The following MEF2C variants were observed in gnomAD, a reference collection of about 807,000 sequenced individuals.
MEF2C encodes myocyte-specific enhancer factor 2C.
Under a neutral mutation model 50.5 loss-of-function variants are expected in MEF2C, and 6 were observed. That is an observed-to-expected ratio of 0.12 (90% CI 0.07 to 0.23). MEF2C has a LOEUF of 0.23. Ranked by LOEUF, MEF2C falls within the 10% of genes least tolerant of loss-of-function variation. The probability of loss-of-function intolerance (pLI) is 1.00; values close to 1 mark genes in which losing one functional copy is unlikely to be tolerated. For synonymous variants in MEF2C, 183 were observed against 228.0 expected (o/e 0.80, Z 1.78); for missense variants, 276 against 605.0 (o/e 0.46, Z 5.70).
intron 1 of MEF2C, among the ~76,000 whole-genome samples, chr5:88,881,718 G>A (rs1323530330): frequency 8.2e-6 from 1 of 121,746 alleles, no homozygotes; most frequent in African/African-American, 3.7e-5. Flanking sequence ...GTGAAAGTAG[G>A]CTAGTCGCTT....
rs1413737635 is a variant in MEF2C at position 88,772,999 on chromosome 5, A to G, written c.259-11671T>C. On this transcript the variant is annotated intron_variant, in intron 3 of 10. Coordinates refer to ENST00000504921, the MANE Select transcript of MEF2C (RefSeq NM_002397.5). ...AATACCCATATTGTTCTGATTAGAG[A>G]AAAGTGAAGTATCAGGAGTGCAGAG... 5 of 800,886 alleles carry G rather than the reference A, an allele frequency of 6.2e-6. No individual in the cohort carries two copies. In the Admixed American group the frequency reaches 1.9e-4, roughly 30 times the overall value. 49.6% of individuals were successfully genotyped at this position (800,886 alleles called of 1,614,324 possible). A position where few individuals can be genotyped will look rare whatever the true frequency, so the allele number is the denominator to read the frequency against.
intron 6 of MEF2C, chr5:88,738,381 T>G (rs898094260): frequency 4.0e-5 from 39 of 985,006 alleles, no homozygotes; most frequent in Middle Eastern, 5.2e-4. Context: ...GTAACTGCTA[T>G]GTAAGTGCTA....
Position 88,728,634 on chromosome 5 carries a change from T to G in MEF2C, c.965-6A>C, listed in dbSNP as rs2152209415. ...TGCACTACTCAGAGAGTACTCTAGA[T>G]TAAAGAATAAAACAACAAGGGAAAA... is the stretch of plus-strand genomic sequence containing the variant. On this transcript the variant is annotated splice_polypyrimidine_tract_variant and splice_region_variant and intron_variant, in intron 9 of 10. Coordinates refer to ENST00000504921, the MANE Select transcript of MEF2C (RefSeq NM_002397.5). 1.4e-6 allele frequency: 2 copies of G among 1,390,790 alleles called. No homozygotes were observed. Among genetic ancestry groups the G allele is most frequent in the Non-Finnish European group, 1.9e-6 (2 of 1,062,420 alleles). 86.2% of individuals were successfully genotyped at this position (1,390,790 alleles called of 1,614,324 possible).
intron 1 of MEF2C, among the ~76,000 whole-genome samples, chr5:88,895,165 A>G (rs1834988456): frequency 6.6e-6 from 1 of 152,234 alleles, no homozygotes; most frequent in African/African-American, 2.4e-5. Flanking sequence ...ATGATATTTT[A>G]AAAGATGTTT....
chr5:88,844,141 G>A (rs896118113), intron 1 of MEF2C, among the ~76,000 whole-genome samples: 3 of 152,118 alleles, frequency 2.0e-5, no homozygotes, highest in African/African-American at 4.8e-5. Flanking sequence ...AGTAAAAGTG[G>A]TAAAATTTAA....
chr5:88,781,507 C>A (rs1788007138), intron 3 of MEF2C, among the ~76,000 whole-genome samples: 1 of 152,164 alleles, frequency 6.6e-6, no homozygotes. Context: ...GTGGCAGAAA[C>A]CAGGTTTGTC....
chr5:88,797,005 G>A (rs1237320222), intron 3 of MEF2C, among the ~76,000 whole-genome samples: 1 of 152,084 alleles, frequency 6.6e-6, no homozygotes, highest in Non-Finnish European at 1.5e-5. Context: ...GTTATGATTT[G>A]CATTCTTTTG....
chr5:88,782,779 C>A (rs922920151), intron 3 of MEF2C, among the ~76,000 whole-genome samples: 5 of 152,300 alleles, frequency 3.3e-5, no homozygotes, highest in East Asian at 1.9e-4. Context: ...TCCAGCGGAA[C>A]CTCTCTCAAG....
At chr5:88,742,632 G>A in intron 6 of MEF2C, 1 of 985,208 alleles carries the variant, frequency 1.0e-6, no homozygotes, top group Non-Finnish European at 1.2e-6. Context: ...TTTTCCTCTG[G>A]AAATCAAACT....
At chr5:88,729,441 T>C in intron 8 of MEF2C, 94 bp from the exon 9 acceptor site, 2 of 1,138,278 alleles carry the variant, frequency 1.8e-6, no homozygotes, top group Non-Finnish European at 2.5e-6. Context: ...AAGAGATAAC[T>C]TGGTACAAAT....
chr5:88,764,438 G>A (rs1779096273), intron 3 of MEF2C, among the ~76,000 whole-genome samples: 1 of 152,110 alleles, frequency 6.6e-6, no homozygotes, highest in South Asian at 2.1e-4. Flanking sequence ...TTTCCCACCC[G>A]TGTGAAGTGA....
Position 88,828,656 on chromosome 5 carries a change from G to A in MEF2C, c.-142-4726C>T, listed in dbSNP as rs953706795. Among the ~76,000 whole-genome samples, 7 of 152,046 alleles carry A rather than the reference G, an allele frequency of 4.6e-5. No homozygotes were observed. The East Asian group carries it at 1.2e-3, about 25-fold the overall frequency. The stretch of plus-strand genomic sequence containing the variant: ...AAATGATTCATTATCTTTTTAAGTG[G>A]AAAACTTTGCTCAATATGTTACATC... On this transcript the variant is annotated intron_variant, in intron 1 of 10. Transcript: ENST00000504921.
intron 1 of MEF2C, among the ~76,000 whole-genome samples, chr5:88,894,877 G>C (rs1169210312): frequency 6.6e-6 from 1 of 152,150 alleles, no homozygotes; most frequent in Non-Finnish European, 1.5e-5. Context: ...ATGGGCAGCG[G>C]AGGGTAACTA....
chr5:88,890,271 C>T (rs1049151943), intron 1 of MEF2C, among the ~76,000 whole-genome samples: 1 of 152,196 alleles, frequency 6.6e-6, no homozygotes, highest in East Asian at 1.9e-4. Flanking sequence ...AACTTCCTTT[C>T]CCCTTGTACC....
Position 88,752,053 on chromosome 5 carries a change from C to T in MEF2C, c.403-10G>A. The T allele has an allele frequency of 6.3e-7, 1 of 1,588,746 alleles. No homozygotes were observed. Among genetic ancestry groups the T allele is most frequent in the Non-Finnish European group, 8.6e-7 (1 of 1,166,440 alleles). ...TGGGAGGTGGAACAGCCTGCAGGAA[C>T]AGAAAACAAAACAAAGGTAAAAGAA... On this transcript the variant is annotated splice_polypyrimidine_tract_variant and intron_variant, in intron 4 of 10. Coordinates refer to ENST00000504921, the MANE Select transcript of MEF2C (RefSeq NM_002397.5).
intron 3 of MEF2C, among the ~76,000 whole-genome samples, chr5:88,801,868 T>C (rs373211153): frequency 3.9e-5 from 6 of 152,198 alleles, no homozygotes; most frequent in African/African-American, 1.4e-4. Context: ...ATTTCAGTGA[T>C]GCAGCACTTT....
At chr5:88,743,763 G>A in intron 6 of MEF2C, 1 of 985,296 alleles carries the variant, frequency 1.0e-6, no homozygotes, top group Non-Finnish European at 1.2e-6. Flanking sequence ...AACTCTCCAT[G>A]TATTTAGCTG....
At chr5:88,902,558 G>C (rs1417534311) in intron 1 of MEF2C, among the ~76,000 whole-genome samples, 2 of 149,768 alleles carry the variant, frequency 1.3e-5, no homozygotes, top group Non-Finnish European at 1.5e-5. Flanking sequence ...GTTTAAAAGA[G>C]TATGTTAGTT....
At chr5:88,766,645 T>C (rs888512578) in intron 3 of MEF2C, 1 of 985,394 alleles carries the variant, frequency 1.0e-6, no homozygotes, top group Non-Finnish European at 1.2e-6. Flanking sequence ...TTCCTGTGCC[T>C]GCCCATTCTA....
Sources: allele counts gnomAD v4.1 joint callset (sites outside exome capture counted in the v4.1 genomes callset), GRCh38; gene constraint gnomAD v4.1.1; transcripts MANE v1.5; gene names NCBI Gene and HGNC (gene_info 2026-07-23, HGNC 2026-07-21).